Variants in GIGYF2 observed in about 807,000 individuals in gnomAD.
The protein encoded by GIGYF2 is GRB10 interacting GYF protein 2, also known as GRB10-interacting GYF protein 2.
Under a neutral mutation model 208.1 loss-of-function variants are expected in GIGYF2, and 25 were observed. The ratio of observed to expected loss-of-function variants is 0.12; its 90% CI spans 0.09 to 0.17. The LOEUF is 0.17. Ranked by LOEUF, GIGYF2 falls within the 10% of genes least tolerant of loss-of-function variation. The pLI, the probability that GIGYF2 is intolerant of heterozygous loss-of-function variation, is 1.00. For missense variants in GIGYF2, 1,302 were observed against 1,579.4 expected (o/e 0.82, Z 2.98); for synonymous variants, 534 against 543.8 (o/e 0.98, Z 0.25).
chr2:232,849,594 C>T (rs946070600), intron 27 of GIGYF2, among the ~76,000 whole-genome samples: 8 of 152,172 alleles, frequency 5.3e-5, no homozygotes, highest in Non-Finnish European at 7.3e-5. Context: ...CATGGGCGCA[C>T]GCATACACAC....
At chr2:232,737,907 CTTTTTTT>C (rs11320395) in intron 3 of GIGYF2, among the ~76,000 whole-genome samples, 27 of 85,220 alleles carry the variant, frequency 3.2e-4, no homozygotes, top group Middle Eastern at 5.6e-3. Context: ...TAAGCTTTAA[CTTTTTTT>C]TTTTTTTTTT....
At position 232,760,688 on chromosome 2, in the gene GIGYF2, G is replaced by T. The variant is rs1026793687; in HGVS notation, c.491+97G>T. On this transcript the variant is annotated intron_variant, in intron 7 of 28. Transcript: ENST00000373563. Reference sequence around the variant, plus strand: ...AGAAATGTTTTTGTACAGTTAAAGGGTTTCATTTTAAAAAATGCTCTTAAG... The same window carrying T: ...AGAAATGTTTTTGTACAGTTAAAGGTTTTCATTTTAAAAAATGCTCTTAAG... 9.9e-5 allele frequency: 75 copies of T among 757,172 alleles called. No individual in the cohort carries two copies. In the East Asian group the frequency reaches 2.0e-3, roughly 20 times the overall value. 46.9% of individuals were successfully genotyped at this position (757,172 alleles called of 1,614,324 possible). A position where few individuals can be genotyped will look rare whatever the true frequency, so the allele number is the denominator to read the frequency against.
At chr2:232,774,800 C>T (rs949124227) in intron 8 of GIGYF2, among the ~76,000 whole-genome samples, 2 of 152,142 alleles carry the variant, frequency 1.3e-5, no homozygotes, top group Non-Finnish European at 1.5e-5. Context: ...AGAAAAAACT[C>T]CATGATTCTT....
chr2:232,756,745 AG>A (rs1008067032), intron 6 of GIGYF2, among the ~76,000 whole-genome samples: 2 of 152,180 alleles, frequency 1.3e-5, no homozygotes, highest in African/African-American at 4.8e-5. Context: ...CCAGCCAGAG[AG>A]GGGCTTTAAC....
intron 20 of GIGYF2, among the ~76,000 whole-genome samples, chr2:232,817,413 C>T (rs989069565): frequency 6.6e-6 from 1 of 152,086 alleles, no homozygotes; most frequent in African/African-American, 2.4e-5. Context: ...TAAAATTTAC[C>T]ATTTTAAGTG....
At chr2:232,830,966 T>C (rs1418782855) in intron 21 of GIGYF2, among the ~76,000 whole-genome samples, 1 of 152,216 alleles carries the variant, frequency 6.6e-6, no homozygotes, top group Non-Finnish European at 1.5e-5. Context: ...TATTGGTTAG[T>C]ATATTATAGG....
At chr2:232,841,220 A>G (rs1460154643) in intron 23 of GIGYF2, among the ~76,000 whole-genome samples, 3 of 152,184 alleles carry the variant, frequency 2.0e-5, no homozygotes, top group African/African-American at 4.8e-5. Context: ...GAAGATAATA[A>G]TAGTGGTAAT....
chr2:232,850,196 C>G lies in GIGYF2; in HGVS notation c.3685-66C>G. The G allele has an allele frequency of 5.8e-6, 8 of 1,386,910 alleles. 1 individual carries two copies. The South Asian group carries it at 8.1e-5, about 14-fold the overall frequency. The allele number at this position is 1,386,910 out of a possible 1,614,324, so 85.9% of individuals were successfully genotyped here. A position where few individuals can be genotyped will look rare whatever the true frequency, so the allele number is the denominator to read the frequency against. On this transcript the variant is annotated intron_variant, in intron 27 of 28. Coordinates refer to ENST00000373563, the MANE Select transcript of GIGYF2 (RefSeq NM_001103146.3). ...CTTGATAAGGTGAGGACAAACCAAA[C>G]ATTTTCCTAGGGTGAGCCAAGTCTG...
chr2:232,813,326 A>G lies in GIGYF2; in HGVS notation c.2107+835A>G, dbSNP rs897017358. On this transcript the variant is annotated intron_variant, in intron 18 of 28. Transcript: ENST00000373563. ...TGCCTCAGCCTCCTAAGTAGCTGGG[A>G]TTAATTACGCTATCACACCTGACTG... is the stretch of plus-strand genomic sequence containing the variant. 2.7e-5 allele frequency among the ~76,000 whole-genome samples: 4 copies of G among 149,852 alleles called. No homozygotes were observed. In the South Asian group the frequency reaches 6.3e-4, roughly 24 times the overall value.
At chr2:232,736,203 T>G in intron 3 of GIGYF2, 2 of 964,140 alleles carry the variant, frequency 2.1e-6, no homozygotes, top group Non-Finnish European at 2.5e-6. Flanking sequence ...AACTCCTGTA[T>G]TTTGAGAGTT....
At chr2:232,768,160 T>C in intron 8 of GIGYF2, 2 of 1,609,616 alleles carry the variant, frequency 1.2e-6, no homozygotes, top group Non-Finnish European at 1.7e-6. Flanking sequence ...ACTGGCTGGG[T>C]GTATTTAATA....
At chr2:232,790,176 C>G (rs770877391) in intron 9 of GIGYF2, among the ~76,000 whole-genome samples, 1 of 152,096 alleles carries the variant, frequency 6.6e-6, no homozygotes, top group Non-Finnish European at 1.5e-5. Context: ...ATCAGAATTA[C>G]AAGTGGGAAC....
chr2:232,746,691 A>G (rs1698163509), intron 3 of GIGYF2, among the ~76,000 whole-genome samples: 1 of 152,004 alleles, frequency 6.6e-6, no homozygotes, highest in East Asian at 1.9e-4. Flanking sequence ...TATATTTTTT[A>G]TTTGTCTTCT....
intron 8 of GIGYF2, among the ~76,000 whole-genome samples, chr2:232,773,900 T>C (rs904118654): frequency 6.9e-6 from 1 of 144,140 alleles, no homozygotes; most frequent in African/African-American, 2.6e-5. Context: ...AGTGAGACTT[T>C]GTCTCTATTT....
At chr2:232,730,175 G>T in intron 2 of GIGYF2, 1 of 1,496,976 alleles carries the variant, frequency 6.7e-7, no homozygotes, top group Non-Finnish European at 9.3e-7. Context: ...GGCCGGCAGG[G>T]CTTTTCAGGT....
intron 21 of GIGYF2, among the ~76,000 whole-genome samples, chr2:232,828,050 A>G (rs1701303410): frequency 6.6e-6 from 1 of 151,926 alleles, no homozygotes; most frequent in Non-Finnish European, 1.5e-5. Flanking sequence ...ATACAGTGGT[A>G]TAGTCACAGC....
At chr2:232,721,878 T>C (rs1696958656) in intron 2 of GIGYF2, among the ~76,000 whole-genome samples, 1 of 152,212 alleles carries the variant, frequency 6.6e-6, no homozygotes, top group Admixed American at 6.5e-5. Flanking sequence ...CCTGGTTTCT[T>C]GTCTTTTACT....
chr2:232,778,814 A>G (rs1397711605), intron 8 of GIGYF2, among the ~76,000 whole-genome samples: 4 of 152,174 alleles, frequency 2.6e-5, no homozygotes, highest in African/African-American at 9.7e-5. Flanking sequence ...ATGATGAACA[A>G]AAGTTGTCTA....
chr2:232,790,697 G>C lies in GIGYF2; in HGVS notation c.713-1G>C. 8 of 1,612,728 alleles carry C rather than the reference G, an allele frequency of 5.0e-6. No homozygotes were observed. The highest frequency in any genetic ancestry group is 6.8e-6 in the Non-Finnish European group (8 of 1,178,804). The stretch of plus-strand genomic sequence containing the variant: ...GGTTTGTGTCCTCCTTCTCATCTCA[G>C]ATGGCCCTCGTTCTGCAGGCTGGCG... On this transcript the variant is annotated splice_acceptor_variant, in intron 9 of 28. Coordinates refer to ENST00000373563, the MANE Select transcript of GIGYF2 (RefSeq NM_001103146.3). LOFTEE classifies it high-confidence loss of function.
Sources: allele counts gnomAD v4.1 joint callset (sites outside exome capture counted in the v4.1 genomes callset), GRCh38; gene constraint gnomAD v4.1.1; transcripts MANE v1.5; gene names NCBI Gene and HGNC (gene_info 2026-07-23, HGNC 2026-07-21).